The following DIPK2B variants were observed in gnomAD, a reference collection of about 807,000 sequenced individuals.
DIPK2B encodes divergent protein kinase domain 2B.
DIPK2B carries 15 observed loss-of-function variants against 22.2 expected under a neutral mutation model. That is an observed-to-expected ratio of 0.68 (90% CI 0.45 to 1.04). The LOEUF is 1.04. Ranked by LOEUF, DIPK2B falls within the 50% of genes least tolerant of loss-of-function variation. The pLI is 0.00. For missense variants in DIPK2B, 345 were observed against 348.3 expected (o/e 0.99, Z 0.08); for synonymous variants, 163 against 153.2 (o/e 1.06, Z -0.47).
At chrX:45,160,120 C>T (rs953129437) in intron 2 of DIPK2B, among the ~76,000 whole-genome samples, 7 of 110,111 alleles carry the variant, frequency 6.4e-5, no homozygotes, top group African/African-American at 2.3e-4. Flanking sequence ...TTTCTTGAGG[C>T]CTCCCCAGCC....
chrX:45,187,946 C>T (rs772871907), intron 2 of DIPK2B, among the ~76,000 whole-genome samples: 50 of 111,185 alleles, frequency 4.5e-4, no homozygotes, highest in Middle Eastern at 4.6e-3. Context: ...AGTTGGAAAA[C>T]GGCTCTTGAG....
chrX:45,188,120 C>T (rs2047193736), intron 2 of DIPK2B, among the ~76,000 whole-genome samples: 1 of 111,796 alleles, frequency 8.9e-6, no homozygotes, highest in Non-Finnish European at 1.9e-5. Context: ...TCTTGAAACT[C>T]CCATATAAAT....
chrX:45,183,987 G>C (rs2047168274), intron 2 of DIPK2B, among the ~76,000 whole-genome samples: 1 of 111,750 alleles, frequency 8.9e-6, no homozygotes, highest in African/African-American at 3.3e-5. Flanking sequence ...AAGTTGACAG[G>C]CTAGAATAAT....
chrX:45,163,808 T>C, intron 2 of DIPK2B: 2 of 781,902 alleles, frequency 2.6e-6, no homozygotes, highest in South Asian at 1.3e-4. Context: ...GGTAATGTTG[T>C]CAGAATTGCC....
chrX:45,196,365 C>T, intron 1 of DIPK2B, among the ~76,000 whole-genome samples: 1 of 110,875 alleles, frequency 9.0e-6, no homozygotes, highest in East Asian at 2.8e-4. Flanking sequence ...TTGTCATAAG[C>T]TCTTGAGCCC....
chrX:45,153,780 T>C (rs1291144232), intron 4 of DIPK2B, 130 bp downstream of exon 4: 6 of 504,797 alleles, frequency 1.2e-5, no homozygotes, highest in Non-Finnish European at 1.9e-5. Context: ...TTCTCCGAAC[T>C]TGAGTGGCTC....
At chrX:45,184,553 T>C (rs754887599) in intron 2 of DIPK2B, among the ~76,000 whole-genome samples, 1 of 112,013 alleles carries the variant, frequency 8.9e-6, no homozygotes, top group Admixed American at 9.5e-5. Flanking sequence ...AATATATTTA[T>C]TCCCTGCTTA....
intron 2 of DIPK2B, among the ~76,000 whole-genome samples, chrX:45,164,417 T>C (rs1261244194): frequency 1.8e-5 from 2 of 111,354 alleles, no homozygotes; most frequent in Non-Finnish European, 3.8e-5. Flanking sequence ...AGGAAGGAAG[T>C]GGCTTATTAA....
intron 3 of DIPK2B, 80 bp from the exon 4 acceptor site, chrX:45,154,278 CCTAT>C (rs57660875): frequency 0.18 from 104,844 of 592,543 alleles, 8,324 homozygotes; most frequent in East Asian, 0.3. Context: ...TATCTATCTC[CCTAT>C]CTATCTATCT....
At position 45,151,813 on chromosome X, in the gene DIPK2B, C is replaced by T. The variant is rs749210148; in HGVS notation, c.1141G>A (p.Asp381Asn). 5.8e-6 allele frequency: 7 copies of T among 1,210,555 alleles called. No individual in the cohort carries two copies. Among genetic ancestry groups the T allele is most frequent in the Non-Finnish European group, 7.8e-6 (7 of 895,256 alleles). ...CACTGAACAAGGATGGAGTCTATGTCGTCTTGCACTGGGGAGGGGAACCTC... is the reference window on the plus strand; with the variant it reads ...CACTGAACAAGGATGGAGTCTATGTTGTCTTGCACTGGGGAGGGGAACCTC... ...QGRFPSPVQD[D>N]IDSILVQCGD... Residue 381 changes from aspartate (D) to asparagine (N), a missense_variant, in exon 5 of 5, where the codon GAC (aspartate) becomes AAC (asparagine). Coordinates refer to ENST00000398000, the MANE Select transcript of DIPK2B (RefSeq NM_176819.4).
chrX:45,181,284 G>A (rs1458245836), intron 2 of DIPK2B, among the ~76,000 whole-genome samples: 1 of 112,022 alleles, frequency 8.9e-6, no homozygotes, highest in Non-Finnish European at 1.9e-5. Flanking sequence ...TCTCAATAAT[G>A]TTAAGGTGTC....
chrX:45,162,922 T>C, intron 2 of DIPK2B: 3 of 753,878 alleles, frequency 4.0e-6, no homozygotes, highest in Non-Finnish European at 4.7e-6. Flanking sequence ...CTGTCACAGT[T>C]CTCTACCACA....
intron 3 of DIPK2B, among the ~76,000 whole-genome samples, chrX:45,154,915 TTC>T (rs2046984769): frequency 9.0e-6 from 1 of 111,497 alleles, no homozygotes; most frequent in African/African-American, 3.3e-5. Context: ...GCTCAAGCAA[TTC>T]TCTCACCTCA....
intron 2 of DIPK2B, among the ~76,000 whole-genome samples, chrX:45,181,925 A>T (rs750838303): frequency 3.6e-5 from 4 of 111,355 alleles, no homozygotes; most frequent in South Asian, 3.8e-4. Context: ...CTACAAAAAA[A>T]TAAAAGTAGC....
At chrX:45,184,008 TAAG>T (rs1250054602) in intron 2 of DIPK2B, among the ~76,000 whole-genome samples, 5 of 111,665 alleles carry the variant, frequency 4.5e-5, no homozygotes, top group Non-Finnish European at 9.4e-5. Flanking sequence ...GGATTTAATA[TAAG>T]AAGATCATAT....
intron 2 of DIPK2B, among the ~76,000 whole-genome samples, chrX:45,176,606 G>A (rs936787954): frequency 2.6e-4 from 29 of 111,855 alleles, no homozygotes; most frequent in African/African-American, 9.4e-4. Flanking sequence ...CTTCCGAGAA[G>A]GTTATTGGTG....
chrX:45,157,966 A>T, intron 2 of DIPK2B, 78 bp from the exon 3 acceptor site: 1 of 185,286 alleles, frequency 5.4e-6, no homozygotes, highest in Admixed American at 1.2e-4. Context: ...CAGGAGGGGG[A>T]ATGGGCAGAT....
At chrX:45,177,271 C>T (rs1023803562) in intron 2 of DIPK2B, among the ~76,000 whole-genome samples, 8 of 107,816 alleles carry the variant, frequency 7.4e-5, no homozygotes. Context: ...TATGCCACTG[C>T]ACTTCATCTT....
At chrX:45,183,777 A>T (rs2047167023) in intron 2 of DIPK2B, among the ~76,000 whole-genome samples, 1 of 112,098 alleles carries the variant, frequency 8.9e-6, no homozygotes. Flanking sequence ...GCATAGAAAA[A>T]TTAAGATGAT....
Sources: allele counts gnomAD v4.1 joint callset (sites outside exome capture counted in the v4.1 genomes callset), GRCh38; gene constraint gnomAD v4.1.1; transcripts MANE v1.5; gene names NCBI Gene and HGNC (gene_info 2026-07-23, HGNC 2026-07-21).